SORCS2: variants seen among roughly 807,000 people sequenced by gnomAD.
SORCS2 encodes sortilin related VPS10 domain containing receptor 2.
Under a neutral mutation model 141.6 loss-of-function variants are expected in SORCS2, and 100 were observed. The observed-to-expected ratio is 0.71, with a 90% CI of 0.60 to 0.83. SORCS2 has a LOEUF of 0.83. Ranked by LOEUF, SORCS2 falls within the 40% of genes least tolerant of loss-of-function variation. The pLI is 0.00. For missense variants in SORCS2, 1,646 were observed against 1,560.2 expected, an observed-to-expected ratio of 1.05 and a Z score of -0.93; for synonymous variants, 789 against 676.9, an observed-to-expected ratio of 1.17 and a Z score of -2.57.
Position 7,728,396 on chromosome 4 carries a change from C to G in SORCS2, c.2916C>G (p.Ala972=). 2 of 1,613,854 alleles carry G rather than the reference C, an allele frequency of 1.2e-6. No individual in the cohort carries two copies. Among genetic ancestry groups the G allele is most frequent in the Non-Finnish European group, 1.7e-6 (2 of 1,179,860 alleles). Residue 972 remains alanine (A), a synonymous_variant, in exon 22 of 27, where the codon GCC becomes GCG. Transcript: ENST00000507866. ...TGCAGTTTTCCAAGGAGCTGGATGCCTACAACCCCAACACCCCTGAGTGGA... is the reference window on the plus strand; with the variant it reads ...TGCAGTTTTCCAAGGAGCTGGATGCGTACAACCCCAACACCCCTGAGTGGA... ...MPLQFSKELD[A]YNPNTPEWRE... is the part of the protein sequence containing the mutation.
chr4:7,339,816 C>T (rs1390601931), intron 1 of SORCS2, among the ~76,000 whole-genome samples: 1 of 152,178 alleles, frequency 6.6e-6, no homozygotes, highest in African/African-American at 2.4e-5. Flanking sequence ...TTTGCAAATC[C>T]TGGGTTTGGG....
At chr4:7,198,954 A>G (rs143624623) in intron 1 of SORCS2, among the ~76,000 whole-genome samples, 126 of 152,320 alleles carry the variant, frequency 8.3e-4, no homozygotes, top group Middle Eastern at 3.4e-3. Flanking sequence ...AGCTCCCAGC[A>G]GGAAGGGGAG....
intron 1 of SORCS2, among the ~76,000 whole-genome samples, chr4:7,325,616 T>G (rs1172171284): frequency 2.0e-5 from 3 of 152,166 alleles, no homozygotes; most frequent in African/African-American, 7.2e-5. Context: ...GGACTGTACT[T>G]TGCTGCGAGG....
chr4:7,397,603 TGGTGG>T (rs910168200), intron 2 of SORCS2, among the ~76,000 whole-genome samples: 23 of 152,166 alleles, frequency 1.5e-4, no homozygotes, highest in Admixed American at 2.0e-4. Context: ...CTTTGTGTGC[TGGTGG>T]GGTTGCTTTA....
chr4:7,717,942 C>A (rs1726301785), intron 17 of SORCS2, 70 bp from the exon 18 acceptor site: 5 of 1,460,604 alleles, frequency 3.4e-6, no homozygotes, highest in South Asian at 1.5e-5. Context: ...GCACGTCCCT[C>A]CCCAGACTAT....
At chr4:7,322,542 G>A (rs1030271305) in intron 1 of SORCS2, among the ~76,000 whole-genome samples, 2 of 152,200 alleles carry the variant, frequency 1.3e-5, no homozygotes, top group African/African-American at 2.4e-5. Flanking sequence ...GTGCCCAGGG[G>A]GTTCACTGGG....
chr4:7,556,452 G>A (rs964758339), intron 3 of SORCS2, among the ~76,000 whole-genome samples: 1 of 152,086 alleles, frequency 6.6e-6, no homozygotes, highest in African/African-American at 2.4e-5. Context: ...GAGGGAATAT[G>A]GGGAGCAAAA....
chr4:7,740,173 G>C, intron 26 of SORCS2, 27 bp from the exon 27 acceptor site: 1 of 1,595,182 alleles, frequency 6.3e-7, no homozygotes, highest in East Asian at 2.3e-5. Flanking sequence ...TTGTGCTCAC[G>C]GGACCTGCGT....
chr4:7,352,297 A>C (rs1720990183), intron 1 of SORCS2, among the ~76,000 whole-genome samples: 1 of 152,166 alleles, frequency 6.6e-6, no homozygotes, highest in African/African-American at 2.4e-5. Flanking sequence ...TAGGTTTCCA[A>C]CACATTCAAG....
chr4:7,218,420 A>C (rs984053607), intron 1 of SORCS2, among the ~76,000 whole-genome samples: 5 of 152,208 alleles, frequency 3.3e-5, no homozygotes, highest in African/African-American at 1.2e-4. Context: ...AAATTGCATG[A>C]GGATTTTTGC....
intron 2 of SORCS2, among the ~76,000 whole-genome samples, chr4:7,427,925 G>A (rs915056125): frequency 3.4e-5 from 5 of 146,786 alleles, no homozygotes; most frequent in African/African-American, 7.4e-5. Context: ...GCAGGCATCC[G>A]AACCATATCA....
intron 1 of SORCS2, among the ~76,000 whole-genome samples, chr4:7,362,872 C>A (rs1211934267): frequency 6.6e-6 from 1 of 150,990 alleles, no homozygotes; most frequent in Non-Finnish European, 1.5e-5. Context: ...CCACCATCAC[C>A]AACCACCTCT....
At chr4:7,493,752 A>G in intron 2 of SORCS2, among the ~76,000 whole-genome samples, 1 of 152,214 alleles carries the variant, frequency 6.6e-6, no homozygotes, top group East Asian at 1.9e-4. Context: ...GAAAGTGGAC[A>G]CAATGCCATA....
intron 3 of SORCS2, among the ~76,000 whole-genome samples, chr4:7,573,549 G>C (rs1010820660): frequency 6.6e-6 from 1 of 152,116 alleles, no homozygotes; most frequent in Non-Finnish European, 1.5e-5. Flanking sequence ...ACAGCATCTC[G>C]CTCTGTCGCC....
intron 2 of SORCS2, among the ~76,000 whole-genome samples, chr4:7,523,946 G>A (rs1004893379): frequency 3.9e-5 from 6 of 152,216 alleles, no homozygotes; most frequent in African/African-American, 4.8e-5. Flanking sequence ...TGGGGATGAC[G>A]CACTGGAAGC....
chr4:7,547,481 A>G (rs1713349079), intron 3 of SORCS2, among the ~76,000 whole-genome samples: 1 of 152,194 alleles, frequency 6.6e-6, no homozygotes, highest in South Asian at 2.1e-4. Context: ...ATTCATCTCC[A>G]TGCCTGCAGG....
intron 2 of SORCS2, among the ~76,000 whole-genome samples, chr4:7,461,122 G>A (rs28733922): frequency 0.043 from 6,575 of 152,206 alleles, 496 homozygotes; most frequent in African/African-American, 0.15. Context: ...GCCATGTCAG[G>A]ACTGAGGATG....
chr4:7,741,163 G>C lies in SORCS2; in HGVS notation c.*899G>C, dbSNP rs1577146350. On this transcript the variant is annotated 3_prime_UTR_variant, in exon 27 of 27. Transcript: ENST00000507866. ...CCCAGAAAGGTGGGTGGTGGAGACG[G>C]CACCAGATGTACCAGTTTTCTGCAG... The C allele has an allele frequency of 1.3e-5, 5 of 398,674 alleles. No individual in the cohort carries two copies. In the East Asian group the frequency reaches 1.8e-4, roughly 14 times the overall value. 24.7% of individuals were successfully genotyped at this position (398,674 alleles called of 1,614,324 possible).
intron 2 of SORCS2, chr4:7,430,622 C>T (rs554635588): frequency 1.3e-5 from 2 of 152,270 alleles, no homozygotes; most frequent in African/African-American, 4.8e-5. Context: ...TCTCCCTCCT[C>T]CCAGGCAGAG....
Sources: gnomAD v4.1 joint callset for allele counts (sites outside exome capture counted in the v4.1 genomes callset) on GRCh38, gnomAD v4.1.1 for gene constraint, MANE v1.5 for transcripts, NCBI Gene and HGNC (gene_info 2026-07-23, HGNC 2026-07-21) for gene names.